The following CCDC60 variants were observed in gnomAD, a reference collection of about 807,000 sequenced individuals.
CCDC60 encodes coiled-coil domain containing 60, also known as coiled-coil domain-containing protein 60.
In CCDC60, 54 loss-of-function variants were observed where a neutral mutation model predicts 63.5. That is an observed-to-expected ratio of 0.85 (90% CI 0.68 to 1.07). The LOEUF (loss-of-function observed/expected upper bound fraction) is 1.07. CCDC60 is among the 50% of genes least tolerant of loss of function. The pLI is 0.00. For synonymous variants in CCDC60, 206 were observed against 238.8 expected (o/e 0.86, Z 1.27); for missense variants, 651 against 684.3 (o/e 0.95, Z 0.54).
At chr12:119,369,683 G>A (rs1415770403) in intron 1 of CCDC60, among the ~76,000 whole-genome samples, 1 of 152,172 alleles carries the variant, frequency 6.6e-6, no homozygotes, top group Non-Finnish European at 1.5e-5. Context: ...GCTGTTGGGA[G>A]GATGTTAGGA....
At chr12:119,448,870 C>A (rs2136278135) in intron 2 of CCDC60, among the ~76,000 whole-genome samples, 1 of 152,248 alleles carries the variant, frequency 6.6e-6, no homozygotes, top group East Asian at 1.9e-4. Context: ...AGGTTTTTAT[C>A]CCTCTTCTTC....
chr12:119,483,692 A>C (rs1412523921), intron 4 of CCDC60, among the ~76,000 whole-genome samples: 1 of 152,222 alleles, frequency 6.6e-6, no homozygotes, highest in Non-Finnish European at 1.5e-5. Context: ...TGGTTGGTAC[A>C]GTAGTTTTAA....
intron 1 of CCDC60, among the ~76,000 whole-genome samples, chr12:119,425,347 A>G (rs555906377): frequency 6.0e-4 from 92 of 152,266 alleles, no homozygotes; most frequent in South Asian, 1.7e-3. Context: ...TGCTTTCACT[A>G]TAAAATACAC....
chr12:119,540,435 G>A (rs2136569902), intron 13 of CCDC60, among the ~76,000 whole-genome samples, 179 bp from the exon 14 acceptor site: 1 of 152,264 alleles, frequency 6.6e-6, no homozygotes, highest in African/African-American at 2.4e-5. Flanking sequence ...AGCTGGAAAG[G>A]GGTCCTCTTC....
intron 1 of CCDC60, among the ~76,000 whole-genome samples, chr12:119,338,984 G>A (rs1592973869): frequency 6.6e-6 from 1 of 152,156 alleles, no homozygotes; most frequent in Non-Finnish European, 1.5e-5. Context: ...GCCTTGTACA[G>A]GCTCTTCATG....
chr12:119,538,310 G>A (rs1566071025), intron 13 of CCDC60, among the ~76,000 whole-genome samples: 1 of 152,192 alleles, frequency 6.6e-6, no homozygotes, highest in Non-Finnish European at 1.5e-5. Context: ...GATTTTCCAG[G>A]TACAGTCTGT....
intron 1 of CCDC60, among the ~76,000 whole-genome samples, chr12:119,361,636 G>A (rs1022988015): frequency 3.9e-5 from 6 of 152,216 alleles, no homozygotes; most frequent in Admixed American, 3.9e-4. Context: ...AACATGTACT[G>A]AGGATGGAGA....
chr12:119,457,147 G>C (rs1264560752), intron 2 of CCDC60, among the ~76,000 whole-genome samples: 1 of 152,186 alleles, frequency 6.6e-6, no homozygotes, highest in African/African-American at 2.4e-5. Flanking sequence ...GGTTCTTCCA[G>C]CTCAAACGGA....
At chr12:119,436,520 TC>T (rs1277208493) in intron 2 of CCDC60, among the ~76,000 whole-genome samples, 1 of 145,842 alleles carries the variant, frequency 6.9e-6, no homozygotes, top group African/African-American at 2.5e-5. Flanking sequence ...AGCAAGCGAG[TC>T]CCCTTGAGTG....
intron 7 of CCDC60, among the ~76,000 whole-genome samples, chr12:119,509,247 T>C (rs1294844311): frequency 6.6e-6 from 1 of 152,216 alleles, no homozygotes; most frequent in Non-Finnish European, 1.5e-5. Flanking sequence ...TGTGTTTTTT[T>C]GAAAAGTAGC....
intron 2 of CCDC60, among the ~76,000 whole-genome samples, chr12:119,429,168 G>A (rs77675573): frequency 6.6e-6 from 1 of 152,152 alleles, no homozygotes; most frequent in East Asian, 1.9e-4. Flanking sequence ...AACTCTCTGG[G>A]ACTCTTTTTC....
At chr12:119,339,672 G>A (rs954783444) in intron 1 of CCDC60, among the ~76,000 whole-genome samples, 1 of 152,158 alleles carries the variant, frequency 6.6e-6, no homozygotes, top group Non-Finnish European at 1.5e-5. Flanking sequence ...GCCAGGTGTG[G>A]TGGCATATGC....
At chr12:119,445,935 G>C (rs1950535031) in intron 2 of CCDC60, among the ~76,000 whole-genome samples, 1 of 152,108 alleles carries the variant, frequency 6.6e-6, no homozygotes, top group South Asian at 2.1e-4. Flanking sequence ...GATGGGGACG[G>C]GGGGTGAGGG....
At chr12:119,411,327 C>A (rs940820464) in intron 1 of CCDC60, among the ~76,000 whole-genome samples, 2 of 152,036 alleles carry the variant, frequency 1.3e-5, no homozygotes, top group African/African-American at 4.8e-5. Flanking sequence ...AGGGAGGAGG[C>A]CAGACAGTAG....
chr12:119,520,098 A>T lies in CCDC60; in HGVS notation c.969-23A>T, dbSNP rs1274227904. 3 of 1,608,766 alleles carry T rather than the reference A, an allele frequency of 1.9e-6. No homozygotes were observed. The South Asian group carries it at 3.3e-5, about 18-fold the overall frequency. On this transcript the variant is annotated intron_variant, in intron 8 of 13. Transcript: ENST00000327554. ...ATCTTCATGAATTCAGCGCCTTGTT[A>T]AAGGACTCATTTTGCCTTGCAGCAT...
intron 2 of CCDC60, among the ~76,000 whole-genome samples, chr12:119,467,733 C>T (rs1950977969): frequency 6.6e-6 from 1 of 152,236 alleles, no homozygotes; most frequent in South Asian, 2.1e-4. Context: ...CAATGAAAAG[C>T]AGTTGCTGTC....
At position 119,335,049 on chromosome 12, in the gene CCDC60, C is replaced by T. The variant is rs557010725; in HGVS notation, c.-128C>T. On this transcript the variant is annotated 5_prime_UTR_variant, in exon 1 of 14. Coordinates refer to ENST00000327554, the MANE Select transcript of CCDC60 (RefSeq NM_178499.5). Reference sequence around the variant, plus strand: ...TTCAGAAGGAAACCGCTTTGGAGTTCGTGTAATTGGGACTTGGGGATCAGG... The same window carrying T: ...TTCAGAAGGAAACCGCTTTGGAGTTTGTGTAATTGGGACTTGGGGATCAGG... 8 of 680,520 alleles carry T rather than the reference C, an allele frequency of 1.2e-5. No homozygotes were observed. Among genetic ancestry groups the T allele is most frequent in the Non-Finnish European group, 2.0e-5 (8 of 397,322 alleles). The allele number at this position is 680,520 out of a possible 1,614,324, so 42.2% of individuals were successfully genotyped here. A position where few individuals can be genotyped will look rare whatever the true frequency, so the allele number is the denominator to read the frequency against.
At chr12:119,403,373 A>C (rs1290968845) in intron 1 of CCDC60, among the ~76,000 whole-genome samples, 1 of 152,170 alleles carries the variant, frequency 6.6e-6, no homozygotes, top group African/African-American at 2.4e-5. Context: ...TGGAGCATCT[A>C]TGCCTGGGAG....
intron 4 of CCDC60, among the ~76,000 whole-genome samples, chr12:119,483,723 T>C (rs1469000077): frequency 6.6e-6 from 1 of 152,230 alleles, no homozygotes; most frequent in Non-Finnish European, 1.5e-5. Context: ...TATTCAGGTG[T>C]GCTGACTGCT....
Sources: gnomAD v4.1 joint callset for allele counts (sites outside exome capture counted in the v4.1 genomes callset) on GRCh38, gnomAD v4.1.1 for gene constraint, MANE v1.5 for transcripts, NCBI Gene and HGNC (gene_info 2026-07-23, HGNC 2026-07-21) for gene names.